ALKBH8: variants seen among roughly 807,000 people sequenced by gnomAD.
ALKBH8 encodes alkB homolog 8, tRNA methyltransferase, also known as tRNA (carboxymethyluridine(34)-5-O)-methyltransferase ALKBH8.
In ALKBH8, 36 loss-of-function variants were observed where a neutral mutation model predicts 59.8. That is an observed-to-expected ratio of 0.60 (90% CI 0.46 to 0.79). The LOEUF (loss-of-function observed/expected upper bound fraction) is 0.79, where lower values mean the gene tolerates loss of function less well. Among genes scored for constraint, ALKBH8 ranks in the 30% least tolerant of loss-of-function variants. ALKBH8 has a pLI of 0.00. For missense variants in ALKBH8, 768 were observed against 801.0 expected, an observed-to-expected ratio of 0.96 and a Z score of 0.50; for synonymous variants, 276 against 273.6, an observed-to-expected ratio of 1.01 and a Z score of -0.09.
At chr11:107,527,562 A>T (rs1863405730) in intron 8 of ALKBH8, among the ~76,000 whole-genome samples, 1 of 152,030 alleles carries the variant, frequency 6.6e-6, no homozygotes, top group Admixed American at 6.6e-5. Context: ...TTTAAACAAC[A>T]TCTCAATAAA....
intron 10 of ALKBH8, among the ~76,000 whole-genome samples, chr11:107,520,770 G>T (rs2135496622): frequency 6.6e-6 from 1 of 152,120 alleles, no homozygotes. Flanking sequence ...TTGATGAAAG[G>T]CTATTCTTTT....
At chr11:107,542,966 C>T (rs1864104478) in intron 7 of ALKBH8, among the ~76,000 whole-genome samples, 1 of 151,908 alleles carries the variant, frequency 6.6e-6, no homozygotes, top group South Asian at 2.1e-4. Context: ...GGGTCATTAA[C>T]CAGAGCAGGA....
At chr11:107,530,608 C>A (rs533909771) in intron 8 of ALKBH8, among the ~76,000 whole-genome samples, 7 of 14,944 alleles carry the variant, frequency 4.7e-4, no homozygotes, top group South Asian at 9.8e-3. Flanking sequence ...CTAACACACA[C>A]ACACACACAC....
chr11:107,558,266 G>A (rs1213221946), intron 2 of ALKBH8, among the ~76,000 whole-genome samples: 2 of 152,146 alleles, frequency 1.3e-5, no homozygotes, highest in African/African-American at 4.8e-5. Flanking sequence ...AATAAGGAAA[G>A]TAAAACTGTT....
chr11:107,556,056 G>A (rs931345169), intron 3 of ALKBH8, among the ~76,000 whole-genome samples: 3 of 152,144 alleles, frequency 2.0e-5, no homozygotes, highest in Admixed American at 2.0e-4. Context: ...AAGGCAGGCG[G>A]ATTACGAGGT....
intron 1 of ALKBH8, chr11:107,565,364 C>T (rs777529415): frequency 1.7e-6 from 1 of 592,196 alleles, no homozygotes; most frequent in East Asian, 2.8e-5. Context: ...AAGATTGACA[C>T]AGGCACCACG....
At chr11:107,531,385 T>G (rs1008679918) in intron 8 of ALKBH8, among the ~76,000 whole-genome samples, 1 of 151,714 alleles carries the variant, frequency 6.6e-6, no homozygotes, top group Non-Finnish European at 1.5e-5. Flanking sequence ...CATACTAATT[T>G]CTTTAGATTT....
intron 7 of ALKBH8, among the ~76,000 whole-genome samples, chr11:107,534,687 A>G (rs1863735396): frequency 6.6e-6 from 1 of 152,232 alleles, no homozygotes; most frequent in Non-Finnish European, 1.5e-5. Flanking sequence ...CCAAGTTTCA[A>G]GGAGGAAAAA....
chr11:107,508,207 T>C (rs1862474202), intron 11 of ALKBH8, among the ~76,000 whole-genome samples: 1 of 149,934 alleles, frequency 6.7e-6, no homozygotes, highest in Non-Finnish European at 1.5e-5. Context: ...GGAGTCTCTG[T>C]CACCCAGGCT....
chr11:107,505,303 G>T, intron 11 of ALKBH8, 88 bp from the exon 12 acceptor site: 1 of 980,206 alleles, frequency 1.0e-6, no homozygotes, highest in Non-Finnish European at 1.4e-6. Flanking sequence ...TTTCAATTAG[G>T]ATGAACAATA....
intron 8 of ALKBH8, among the ~76,000 whole-genome samples, chr11:107,526,946 CAAT>C (rs1289082399): frequency 2.0e-5 from 3 of 152,050 alleles, no homozygotes; most frequent in Admixed American, 2.0e-4. Flanking sequence ...ATCTGTACAA[CAAT>C]ACTATTTTGA....
At chr11:107,505,239 T>G (rs1346170648) in intron 11 of ALKBH8, 24 bp from the exon 12 acceptor site, 1 of 1,494,568 alleles carries the variant, frequency 6.7e-7, no homozygotes, top group Non-Finnish European at 8.9e-7. Context: ...ACAAAACACA[T>G]GATCAACCTG....
intron 3 of ALKBH8, among the ~76,000 whole-genome samples, chr11:107,555,360 T>A (rs73555504): frequency 6.6e-6 from 1 of 152,238 alleles, no homozygotes; most frequent in Non-Finnish European, 1.5e-5. Flanking sequence ...AAAGTACATA[T>A]GGATCTAATG....
chr11:107,534,135 A>T (rs1414926057), intron 7 of ALKBH8, among the ~76,000 whole-genome samples: 1 of 152,154 alleles, frequency 6.6e-6, no homozygotes, highest in Non-Finnish European at 1.5e-5. Context: ...GTCTCACCAA[A>T]AAATAAATAA....
At chr11:107,542,769 G>T (rs1864094733) in intron 7 of ALKBH8, among the ~76,000 whole-genome samples, 1 of 152,102 alleles carries the variant, frequency 6.6e-6, no homozygotes, top group South Asian at 2.1e-4. Context: ...AATTAGCTGG[G>T]CATGGTAGCT....
rs544897751 is a variant in ALKBH8, at chr11:107,517,711, G to A, written c.1287+4588C>T. Among the ~76,000 whole-genome samples the A allele has an allele frequency of 2.5e-4, 38 of 152,284 alleles. No individual in the cohort carries two copies. The East Asian group carries it at 3.7e-3, about 15-fold the overall frequency. On this transcript the variant is annotated intron_variant, in intron 10 of 11. Transcript: ENST00000428149. Reference sequence around the variant, plus strand: ...ACTCATACTTGGAATCCAAAAATGCGACTTCATAGAACTAGAGTAGAACAG... The same window carrying A: ...ACTCATACTTGGAATCCAAAAATGCAACTTCATAGAACTAGAGTAGAACAG...
chr11:107,525,529 G>C lies in ALKBH8; in HGVS notation c.942C>G (p.Thr314=). The part of the protein sequence containing the change: ...ASESLKSGII[T]SDVGDLTLSK... ...TTAAAGTTAAGTCTCCAACATCACT[G>C]GTGATAATTCCACTTTTAAGACTCT... The change falls in exon 9 of 12, where the codon ACC becomes ACG. Residue 314 remains threonine, a synonymous_variant. Transcript: ENST00000428149. The C allele has an allele frequency of 6.5e-7, 1 of 1,533,522 alleles. No individual in the cohort carries two copies. Among genetic ancestry groups the C allele is most frequent in the Non-Finnish European group, 8.8e-7 (1 of 1,139,860 alleles). The allele number at this position is 1,533,522 out of a possible 1,614,324, so 95.0% of individuals were successfully genotyped here. A position where few individuals can be genotyped will look rare whatever the true frequency, so the allele number is the denominator to read the frequency against.
At chr11:107,547,211 A>G (rs575751219) in intron 7 of ALKBH8, among the ~76,000 whole-genome samples, 1 of 152,376 alleles carries the variant, frequency 6.6e-6, no homozygotes, top group South Asian at 2.1e-4. Context: ...GTCAAAGATA[A>G]GAAAGTAAAG....
At chr11:107,540,102 G>A (rs57003772) in intron 7 of ALKBH8, among the ~76,000 whole-genome samples, 12 of 151,988 alleles carry the variant, frequency 7.9e-5, no homozygotes, top group African/African-American at 2.7e-4. Context: ...GCAGAACATC[G>A]TTTGCCTCTC....
Sources: gnomAD v4.1 joint callset for allele counts (sites outside exome capture counted in the v4.1 genomes callset) on GRCh38, gnomAD v4.1.1 for gene constraint, MANE v1.5 for transcripts, NCBI Gene and HGNC (gene_info 2026-07-23, HGNC 2026-07-21) for gene names.